Variants in BCL2 observed in about 807,000 individuals in gnomAD.
The protein encoded by BCL2 is BCL2 apoptosis regulator.
BCL2 carries 1 observed loss-of-function variant against 14.2 expected under a neutral mutation model. That is an observed-to-expected ratio of 0.07 (90% CI 0.02 to 0.33). The LOEUF is 0.33. Among genes scored for constraint, BCL2 ranks in the 10% least tolerant of loss-of-function variants. BCL2 has a pLI of 0.99. For synonymous variants in BCL2, 151 were observed against 137.2 expected, an observed-to-expected ratio of 1.10 and a Z score of -0.70; for missense variants, 247 against 305.9, an observed-to-expected ratio of 0.81 and a Z score of 1.44.
intron 2 of BCL2, among the ~76,000 whole-genome samples, chr18:63,299,695 A>T (rs963464431): frequency 6.6e-6 from 1 of 150,724 alleles, no homozygotes; most frequent in African/African-American, 2.4e-5. Flanking sequence ...TCTTCTGGTC[A>T]CTCTGGCCTT....
intron 2 of BCL2, among the ~76,000 whole-genome samples, chr18:63,206,769 G>A (rs1909847638): frequency 1.3e-5 from 2 of 152,332 alleles, no homozygotes; most frequent in African/African-American, 4.8e-5. Flanking sequence ...CTCTGGTGTG[G>A]GTGGGAAGAG....
chr18:63,136,287 T>A (rs539963822), intron 2 of BCL2, among the ~76,000 whole-genome samples: 2 of 152,306 alleles, frequency 1.3e-5, no homozygotes, highest in Admixed American at 1.3e-4. Flanking sequence ...CCAATTGCTT[T>A]CTAAGACATC....
At chr18:63,162,656 G>C (rs1291878289) in intron 2 of BCL2, among the ~76,000 whole-genome samples, 2 of 151,878 alleles carry the variant, frequency 1.3e-5, no homozygotes. Flanking sequence ...TCCAGCTACT[G>C]TCGCCTGATT....
chr18:63,138,341 A>G (rs1914266356), intron 2 of BCL2, among the ~76,000 whole-genome samples: 1 of 152,142 alleles, frequency 6.6e-6, no homozygotes, highest in Non-Finnish European at 1.5e-5. Context: ...CCACAGCCAC[A>G]TTGTGCTGAA....
chr18:63,131,373 C>T (rs926766191), intron 2 of BCL2, among the ~76,000 whole-genome samples: 1 of 152,148 alleles, frequency 6.6e-6, no homozygotes, highest in Admixed American at 6.5e-5. Context: ...GTTAGAAAAG[C>T]GAGGCAATAG....
At chr18:63,276,326 C>G (rs1912152582) in intron 2 of BCL2, among the ~76,000 whole-genome samples, 1 of 149,308 alleles carries the variant, frequency 6.7e-6, no homozygotes, top group African/African-American at 2.5e-5. Context: ...TCATTACATG[C>G]AAACAAAACC....
rs1912473786 is a variant in BCL2 at position 63,286,354 on chromosome 18, T to C, written c.585+31728A>G. ...TAATTATGATACAAAACCTATTGTA[T>C]ATATACACAGAAAATGGATGTAGAC... On this transcript the variant is annotated intron_variant, in intron 2 of 2. Transcript: ENST00000333681. Among the ~76,000 whole-genome samples, 3 of 152,282 alleles carry C rather than the reference T, an allele frequency of 2.0e-5. No individual in the cohort carries two copies. The South Asian group carries it at 6.2e-4, about 32-fold the overall frequency.
At chr18:63,261,413 C>G (rs548315163) in intron 2 of BCL2, among the ~76,000 whole-genome samples, 1 of 152,294 alleles carries the variant, frequency 6.6e-6, no homozygotes, top group South Asian at 2.1e-4. Flanking sequence ...GGAGCACGAA[C>G]TAGATATTCA....
intron 2 of BCL2, among the ~76,000 whole-genome samples, chr18:63,277,222 A>G (rs891206531): frequency 2.6e-5 from 4 of 152,096 alleles, no homozygotes; most frequent in Admixed American, 2.6e-4. Flanking sequence ...AGAGCTCAAC[A>G]TTACATCTTC....
chr18:63,139,666 G>C (rs1013579632), intron 2 of BCL2, among the ~76,000 whole-genome samples: 2 of 152,174 alleles, frequency 1.3e-5, no homozygotes, highest in African/African-American at 4.8e-5. Flanking sequence ...TAAAGAAAGG[G>C]CCTATATACA....
intron 2 of BCL2, among the ~76,000 whole-genome samples, chr18:63,212,808 G>A (rs764667250): frequency 7.9e-5 from 12 of 151,308 alleles, no homozygotes; most frequent in Middle Eastern, 3.4e-3. Context: ...CCCAGAAGGC[G>A]GAGGTTGCAG....
intron 2 of BCL2, among the ~76,000 whole-genome samples, chr18:63,224,640 A>G (rs1910496711): frequency 6.6e-6 from 1 of 152,178 alleles, no homozygotes; most frequent in African/African-American, 2.4e-5. Context: ...TCCATTTTCC[A>G]TAGGCTACTG....
chr18:63,317,498 C>G, intron 2 of BCL2: 1 of 956,736 alleles, frequency 1.0e-6, no homozygotes, highest in Non-Finnish European at 1.2e-6. Flanking sequence ...TCTTTACAAA[C>G]ACAACTAAGT....
chr18:63,256,319 C>T lies in BCL2; in HGVS notation c.585+61763G>A, dbSNP rs149264125. Among the ~76,000 whole-genome samples the T allele has an allele frequency of 2.1e-3, 322 of 152,304 alleles. 1 individual carries two copies. Among genetic ancestry groups the T allele is most frequent in the African/African-American group, 7.3e-3 (305 of 41,562 alleles). The stretch of plus-strand genomic sequence containing the variant: ...GCAACCTCCACCTTCCAGGTTCAAG[C>T]GATTCTTCTGCCACAGCTTCCTAAG... On this transcript the variant is annotated intron_variant, in intron 2 of 2. Transcript: ENST00000333681.
At chr18:63,299,109 T>C (rs1439358093) in intron 2 of BCL2, among the ~76,000 whole-genome samples, 1 of 152,220 alleles carries the variant, frequency 6.6e-6, no homozygotes, top group African/African-American at 2.4e-5. Context: ...AATACACGAA[T>C]AGTGATAGAA....
At chr18:63,245,859 ATAAGGC>A in intron 2 of BCL2, among the ~76,000 whole-genome samples, 2 of 152,214 alleles carry the variant, frequency 1.3e-5, no homozygotes, top group Non-Finnish European at 2.9e-5. Flanking sequence ...GTTACTGCCT[ATAAGGC>A]AGTAGCTTGC....
chr18:63,274,095 T>C (rs761066095), intron 2 of BCL2, among the ~76,000 whole-genome samples: 3 of 152,062 alleles, frequency 2.0e-5, no homozygotes, highest in Non-Finnish European at 4.4e-5. Flanking sequence ...TTGTTTTCCA[T>C]CTCCCTTGAG....
chr18:63,207,261 G>A (rs3744933), intron 2 of BCL2, among the ~76,000 whole-genome samples: 1 of 152,154 alleles, frequency 6.6e-6, no homozygotes, highest in Non-Finnish European at 1.5e-5. Flanking sequence ...CCCCAGGGCC[G>A]ATGGGCACCG....
intron 2 of BCL2, among the ~76,000 whole-genome samples, chr18:63,258,673 G>A (rs148181540): frequency 1.1e-3 from 175 of 152,314 alleles, no homozygotes; most frequent in Middle Eastern, 0.01. Context: ...CCCTATACAC[G>A]GTCTCCGGCT....
Sources: allele counts gnomAD v4.1 joint callset (sites outside exome capture counted in the v4.1 genomes callset), GRCh38; gene constraint gnomAD v4.1.1; transcripts MANE v1.5; gene names NCBI Gene and HGNC (gene_info 2026-07-23, HGNC 2026-07-21).